EXOC4: variants seen among roughly 807,000 people sequenced by gnomAD.
EXOC4 encodes the protein SEC8-like 1.
EXOC4 carries 71 observed loss-of-function variants against 107.2 expected under a neutral mutation model. That is an observed-to-expected ratio of 0.66 (90% CI 0.55 to 0.81). The LOEUF (loss-of-function observed/expected upper bound fraction) is 0.81. Ranked by LOEUF, EXOC4 falls within the 30% of genes least tolerant of loss-of-function variation. EXOC4 has a pLI of 0.00. For synonymous variants in EXOC4, 456 were observed against 441.2 expected (o/e 1.03, Z -0.42); for missense variants, 1,108 against 1,189.6 (o/e 0.93, Z 1.01).
intron 10 of EXOC4, among the ~76,000 whole-genome samples, chr7:133,634,106 T>A (rs1323028618): frequency 6.6e-6 from 1 of 152,232 alleles, no homozygotes; most frequent in East Asian, 1.9e-4. Flanking sequence ...GGTTTATATA[T>A]TCTCAGCAGT....
At chr7:133,353,926 C>A (rs1276938551) in intron 5 of EXOC4, among the ~76,000 whole-genome samples, 1 of 151,884 alleles carries the variant, frequency 6.6e-6, no homozygotes, top group Non-Finnish European at 1.5e-5. Flanking sequence ...ATTTTTCATT[C>A]CAAGTATACT....
chr7:134,067,821 A>T (rs1186139881), downstream of EXOC4, among the ~76,000 whole-genome samples: 1 of 151,912 alleles, frequency 6.6e-6, no homozygotes, highest in Non-Finnish European at 1.5e-5. Flanking sequence ...CCCCACAAGC[A>T]CTTCTTTCTA....
intron 1 of EXOC4, among the ~76,000 whole-genome samples, chr7:133,270,633 T>A (rs1298581431): frequency 6.6e-6 from 1 of 152,186 alleles, no homozygotes; most frequent in Non-Finnish European, 1.5e-5. Flanking sequence ...AGAAAGAGGC[T>A]GATTTTATTT....
intron 14 of EXOC4, among the ~76,000 whole-genome samples, chr7:133,974,338 A>G (rs568208692): frequency 4.6e-5 from 7 of 152,328 alleles, no homozygotes; most frequent in African/African-American, 1.4e-4. Flanking sequence ...TTAAAATGAC[A>G]TTTATTAAAA....
intron 11 of EXOC4, among the ~76,000 whole-genome samples, chr7:133,819,373 A>G (rs1797455032): frequency 6.6e-6 from 1 of 151,098 alleles, no homozygotes; most frequent in Non-Finnish European, 1.5e-5. Flanking sequence ...CACAACCCTA[A>G]TTATTAATTA....
intron 7 of EXOC4, among the ~76,000 whole-genome samples, chr7:133,435,833 G>C (rs748086253): frequency 6.6e-6 from 1 of 152,100 alleles, no homozygotes; most frequent in African/African-American, 2.4e-5. Context: ...TGAGGGTAAA[G>C]TTTTTGCCGT....
chr7:133,788,135 C>T (rs1345571602), intron 10 of EXOC4, among the ~76,000 whole-genome samples: 1 of 150,190 alleles, frequency 6.7e-6, no homozygotes, highest in Non-Finnish European at 1.5e-5. Context: ...CTGGCCCCTA[C>T]TCATCTTCTC....
intron 10 of EXOC4, among the ~76,000 whole-genome samples, chr7:133,699,454 A>G (rs1409482252): frequency 6.6e-6 from 1 of 152,186 alleles, no homozygotes; most frequent in Non-Finnish European, 1.5e-5. Flanking sequence ...CCAGAGAGGC[A>G]AGGGAAGGTA....
intron 14 of EXOC4, among the ~76,000 whole-genome samples, chr7:133,952,447 G>T (rs1800715292): frequency 6.6e-6 from 1 of 152,132 alleles, no homozygotes; most frequent in Non-Finnish European, 1.5e-5. Flanking sequence ...GGGAGTCTCA[G>T]TTCTGCTAGG....
chr7:133,326,381 G>A (rs568888156), intron 5 of EXOC4, among the ~76,000 whole-genome samples: 1 of 152,160 alleles, frequency 6.6e-6, no homozygotes, highest in Non-Finnish European at 1.5e-5. Context: ...TACAGATGGG[G>A]TTTTGGTGTG....
chr7:133,884,414 G>A (rs1178014880), intron 11 of EXOC4, among the ~76,000 whole-genome samples: 1 of 152,200 alleles, frequency 6.6e-6, no homozygotes, highest in African/African-American at 2.4e-5. Context: ...GGTGTTCCAT[G>A]AAATCGGCCA....
At chr7:134,084,852 G>A in the EXOC4 span, among the ~76,000 whole-genome samples, 4 of 152,090 alleles carry the variant, frequency 2.6e-5, no homozygotes, top group Non-Finnish European at 5.9e-5. Flanking sequence ...CACAAGCTGG[G>A]CAGCCTTCAG....
rs751927709 is a variant in EXOC4, at chr7:133,997,620, C to T, written c.2335C>T (p.His779Tyr). 5 of 1,613,216 alleles carry T rather than the reference C, an allele frequency of 3.1e-6. No homozygotes were observed. The highest frequency in any genetic ancestry group is 1.1e-5 in the South Asian group (1 of 90,988). Residue 779 changes from histidine (H) to tyrosine (Y), a missense_variant, in exon 15 of 18, where the codon CAT becomes TAT. By Grantham distance (83) the His-to-Tyr change is moderately conservative. Coordinates refer to ENST00000253861, the MANE Select transcript of EXOC4 (RefSeq NM_021807.4). ...GGCTGACCGCTGCTTGCTTGTCTTACATCTGGAAGTGAGGTATGATACAGC... is the reference window on the plus strand; with the variant it reads ...GGCTGACCGCTGCTTGCTTGTCTTATATCTGGAAGTGAGGTATGATACAGC... Reference protein sequence around the residue: ...DMADRCLLVLHLEVRVHCFHY... With the variant: ...DMADRCLLVLYLEVRVHCFHY...
At chr7:133,514,321 C>T (rs927839614) in intron 9 of EXOC4, among the ~76,000 whole-genome samples, 5 of 152,020 alleles carry the variant, frequency 3.3e-5, no homozygotes, top group African/African-American at 9.7e-5. Context: ...CATGCCACCG[C>T]GCCCAGCTAA....
the EXOC4 span, among the ~76,000 whole-genome samples, chr7:134,097,351 A>G: frequency 6.6e-6 from 1 of 152,082 alleles, no homozygotes; most frequent in African/African-American, 2.4e-5. Context: ...AAGGTAAGCT[A>G]AAGAGTATTC....
rs752256479 is a variant in EXOC4 at position 133,817,473 on chromosome 7, T to C, written c.1663T>C (p.Ser555Pro). The C allele has an allele frequency of 6.8e-6, 11 of 1,614,036 alleles. No individual in the cohort carries two copies. In the Admixed American group the frequency reaches 1.7e-4, roughly 24 times the overall value. Reference protein sequence around the residue: ...NKEIEGVTKTSDPLKILANAD... With the variant: ...NKEIEGVTKTPDPLKILANAD... ...GGAGATTGAAGGAGTCACTAAAACA[T>C]CTGACCCTTTGAAGATTCTGGCCAA... is the stretch of plus-strand genomic sequence containing the variant. The change falls in exon 11 of 18, where the codon TCT becomes CCT. Residue 555 changes from serine to proline, a missense_variant. Physicochemically the swap from Ser to Pro is moderately conservative, Grantham distance 74 (BLOSUM62 -1). Coordinates refer to ENST00000253861, the MANE Select transcript of EXOC4 (RefSeq NM_021807.4).
At chr7:133,253,334 C>A in intron 1 of EXOC4, 147 bp downstream of exon 1, 1 of 1,410,492 alleles carries the variant, frequency 7.1e-7, no homozygotes, top group Non-Finnish European at 9.3e-7. Context: ...TAACCCCTCC[C>A]CAGGGCCCCA....
intron 2 of EXOC4, among the ~76,000 whole-genome samples, chr7:133,279,332 C>A (rs1463565797): frequency 6.6e-6 from 1 of 152,068 alleles, no homozygotes; most frequent in Non-Finnish European, 1.5e-5. Flanking sequence ...TGGGTAGATA[C>A]CCAGTAATGG....
intron 5 of EXOC4, among the ~76,000 whole-genome samples, chr7:133,346,967 TG>T (rs1795796495): frequency 6.6e-6 from 1 of 152,138 alleles, no homozygotes; most frequent in Non-Finnish European, 1.5e-5. Flanking sequence ...CCTTATTTTC[TG>T]GGGTTTGGTG....
Sources: allele counts gnomAD v4.1 joint callset (sites outside exome capture counted in the v4.1 genomes callset), GRCh38; gene constraint gnomAD v4.1.1; transcripts MANE v1.5; gene names NCBI Gene and HGNC (gene_info 2026-07-23, HGNC 2026-07-21).